Variants in GJB7 observed in about 807,000 individuals in gnomAD.
GJB7 encodes gap junction protein beta 7, also known as gap junction beta-7 protein.
For synonymous variants in GJB7, 87 were observed against 95.2 expected, an observed-to-expected ratio of 0.91 and a Z score of 0.50; for missense variants, 253 against 256.8, an observed-to-expected ratio of 0.99 and a Z score of 0.10.
At chr6:87,315,031 GCTAT>G (rs1022192387) in intron 2 of GJB7, among the ~76,000 whole-genome samples, 1 of 152,158 alleles carries the variant, frequency 6.6e-6, no homozygotes, top group African/African-American at 2.4e-5. Flanking sequence ...GATAGGCCCA[GCTAT>G]CTTTCCACTC....
At chr6:87,328,994 G>C (rs904868609) in intron 1 of GJB7, 144 bp downstream of exon 1, 1 of 154,054 alleles carries the variant, frequency 6.5e-6, no homozygotes, top group East Asian at 1.9e-4. Flanking sequence ...CGCAGGATTC[G>C]GGTGGGAGTG....
Position 87,283,337 on chromosome 6 carries a change from C to T in GJB7, c.*904G>A, listed in dbSNP as rs1020046194. 2 of 152,196 alleles carry T rather than the reference C, an allele frequency of 1.3e-5. No individual in the cohort carries two copies. The highest frequency in any genetic ancestry group is 2.9e-5 in the Non-Finnish European group (2 of 68,024). The allele number at this position is 152,196 out of a possible 1,614,324, so 9.4% of individuals were successfully genotyped here. ...TAAGTAATTATCAAGTGGGCACATTCTTTTTCTGTGGCCTCCACTTCCTAT... is the reference window on the plus strand; with the variant it reads ...TAAGTAATTATCAAGTGGGCACATTTTTTTTCTGTGGCCTCCACTTCCTAT... On this transcript the variant is annotated 3_prime_UTR_variant, in exon 3 of 3. Coordinates refer to ENST00000525899, the MANE Select transcript of GJB7 (RefSeq NM_198568.3).
chr6:87,312,743 A>C (rs181267110), intron 2 of GJB7, among the ~76,000 whole-genome samples: 2 of 152,298 alleles, frequency 1.3e-5, no homozygotes, highest in Admixed American at 1.3e-4. Flanking sequence ...TTTATCAGAC[A>C]TTCATGGGGA....
rs1776006292 is a variant in GJB7, at chr6:87,283,449, A to T, written c.*792T>A. The T allele has an allele frequency of 6.6e-6, 1 of 152,196 alleles. No individual in the cohort carries two copies. Among genetic ancestry groups the T allele is most frequent in the African/African-American group, 2.4e-5 (1 of 41,438 alleles). 9.4% of individuals were successfully genotyped at this position (152,196 alleles called of 1,614,324 possible). ...GTCTGCTGGTTCAGGCTTAAGTGGG[A>T]TACCTCCCAGTAATATTTCTACTTG... On this transcript the variant is annotated 3_prime_UTR_variant, in exon 3 of 3. Transcript: ENST00000525899.
chr6:87,285,057 T>A, intron 2 of GJB7, 118 bp from the exon 3 acceptor site: 1 of 664,978 alleles, frequency 1.5e-6, no homozygotes, highest in Non-Finnish European at 2.5e-6. Context: ...ACTCTGGTGG[T>A]TTAGGGCTCT....
chr6:87,326,667 G>A (rs1582087170), intron 1 of GJB7, among the ~76,000 whole-genome samples: 1 of 136,710 alleles, frequency 7.3e-6, no homozygotes, highest in East Asian at 2.0e-4. Flanking sequence ...TACATTTGCT[G>A]AGGAGAGCTT....
At chr6:87,324,353 G>A in intron 1 of GJB7, among the ~76,000 whole-genome samples, 1 of 152,236 alleles carries the variant, frequency 6.6e-6, no homozygotes, top group East Asian at 1.9e-4. Context: ...CCATGCCTAT[G>A]TCCTGAATGG....
chr6:87,323,920 G>T (rs34860988), intron 1 of GJB7, among the ~76,000 whole-genome samples: 17,039 of 151,362 alleles, frequency 0.11, 990 homozygotes, highest in East Asian at 0.13. Context: ...TTTCTCCACA[G>T]CCTCTCCAGC....
chr6:87,294,510 C>A (rs558675572), intron 2 of GJB7, among the ~76,000 whole-genome samples: 1 of 152,368 alleles, frequency 6.6e-6, no homozygotes, highest in East Asian at 1.9e-4. Flanking sequence ...GGTATAAGCA[C>A]TATTATGCAT....
At chr6:87,316,382 A>C (rs1287594616) in intron 2 of GJB7, among the ~76,000 whole-genome samples, 2 of 152,126 alleles carry the variant, frequency 1.3e-5, no homozygotes, top group Admixed American at 6.5e-5. Context: ...TTCTTCTCCA[A>C]AAGTCAGCTC....
At chr6:87,312,272 G>A (rs1776520589) in intron 2 of GJB7, among the ~76,000 whole-genome samples, 1 of 150,778 alleles carries the variant, frequency 6.6e-6, no homozygotes, top group African/African-American at 2.4e-5. Flanking sequence ...CCAGCACTTT[G>A]GGAGGCTGAG....
chr6:87,317,452 G>A (rs1208962651), intron 2 of GJB7, among the ~76,000 whole-genome samples: 18 of 143,286 alleles, frequency 1.3e-4, no homozygotes, highest in African/African-American at 4.1e-4. Context: ...TTTTTGAGAC[G>A]GAGTTTCGCT....
intron 2 of GJB7, among the ~76,000 whole-genome samples, chr6:87,287,295 T>C (rs977892662): frequency 6.6e-5 from 10 of 152,186 alleles, no homozygotes; most frequent in Non-Finnish European, 1.3e-4. Context: ...CTGCATAGAC[T>C]CAGCCAAAAG....
chr6:87,300,117 A>G (rs971750451), intron 2 of GJB7: 1 of 291,886 alleles, frequency 3.4e-6, no homozygotes, highest in Non-Finnish European at 6.7e-6. Context: ...TGGATTCATT[A>G]ACTCCAGCTA....
intron 2 of GJB7, among the ~76,000 whole-genome samples, chr6:87,291,524 T>G (rs188325406): frequency 8.5e-5 from 13 of 152,270 alleles, no homozygotes; most frequent in African/African-American, 3.1e-4. Flanking sequence ...CCCTAGAAGA[T>G]CCTGGACTGC....
At chr6:87,297,140 A>G (rs1776257692) in intron 2 of GJB7, among the ~76,000 whole-genome samples, 6 of 152,210 alleles carry the variant, frequency 3.9e-5, no homozygotes, top group Admixed American at 3.9e-4. Flanking sequence ...GAGTGGCCAC[A>G]GGACCCAACG....
chr6:87,319,147 T>C (rs183075145), intron 2 of GJB7, among the ~76,000 whole-genome samples: 1 of 152,330 alleles, frequency 6.6e-6, no homozygotes, highest in African/African-American at 2.4e-5. Flanking sequence ...CAAAATCTCC[T>C]GGAAATATTA....
chr6:87,317,313 A>G (rs1188806), intron 2 of GJB7, among the ~76,000 whole-genome samples: 95,168 of 151,850 alleles, frequency 0.63, 30,269 homozygotes, highest in African/African-American at 0.7. Context: ...GCAGTGAGTT[A>G]AGATTGCGGC....
chr6:87,328,643 T>A (rs1159439098), intron 1 of GJB7, among the ~76,000 whole-genome samples: 1 of 152,202 alleles, frequency 6.6e-6, no homozygotes, highest in Non-Finnish European at 1.5e-5. Context: ...GGAGAACCAC[T>A]GCTCTCTTCA....
Sources: gnomAD v4.1 joint callset for allele counts (sites outside exome capture counted in the v4.1 genomes callset) on GRCh38, gnomAD v4.1.1 for gene constraint, MANE v1.5 for transcripts, NCBI Gene and HGNC (gene_info 2026-07-23, HGNC 2026-07-21) for gene names.